Variants in TUBGCP5 observed in about 807,000 individuals in gnomAD.
TUBGCP5 encodes gamma-tubulin complex component 5.
A neutral mutation model predicts 134.7 loss-of-function variants in TUBGCP5; 98 were observed. The ratio of observed to expected loss-of-function variants is 0.73; its 90% confidence interval spans 0.62 to 0.86. The LOEUF is 0.86. TUBGCP5 is among the 40% of genes least tolerant of loss of function. The probability of loss-of-function intolerance (pLI) is 0.00; values close to 1 mark genes in which losing one functional copy is unlikely to be tolerated. For synonymous variants in TUBGCP5, 456 were observed against 431.4 expected (o/e 1.06, Z -0.71); for missense variants, 1,150 against 1,244.8 (o/e 0.92, Z 1.15).
At chr15:22,993,550 T>TG (rs2063932154) in intron 23 of TUBGCP5, among the ~76,000 whole-genome samples, 1 of 126,878 alleles carries the variant, frequency 7.9e-6, no homozygotes, top group African/African-American at 3.0e-5. Flanking sequence ...TTTTTTTTTT[T>TG]TTTTTTTAAT....
intron 13 of TUBGCP5, among the ~76,000 whole-genome samples, chr15:23,012,201 T>A (rs548237716): frequency 4.0e-5 from 6 of 151,286 alleles, no homozygotes. Flanking sequence ...GTAACCCTGA[T>A]AGGAGTCGCA....
At position 23,032,724 on chromosome 15, in the gene TUBGCP5, A is replaced by G. The variant is rs377585489; in HGVS notation, c.406+4T>C. ...CTCATATGTTAAGGAATCTAGTAAC[A>G]TACCCACTTCTTTATTTCTTGGTGT... is the stretch of plus-strand genomic sequence containing the variant. On this transcript the variant is annotated splice_donor_region_variant and intron_variant, in intron 4 of 22. Coordinates refer to ENST00000615383, the MANE Select transcript of TUBGCP5 (RefSeq NM_052903.6). The G allele has an allele frequency of 4.4e-5, 68 of 1,562,494 alleles. No homozygotes were observed. The highest frequency in any genetic ancestry group is 5.5e-5 in the Non-Finnish European group (64 of 1,156,554).
downstream of TUBGCP5, among the ~76,000 whole-genome samples, chr15:22,997,346 A>G (rs2064136284): frequency 6.6e-6 from 1 of 151,206 alleles, no homozygotes; most frequent in Non-Finnish European, 1.5e-5. Context: ...CGCCCGGCTG[A>G]TTTTTGTATT....
intron 13 of TUBGCP5, among the ~76,000 whole-genome samples, chr15:23,011,791 G>A (rs1595852748): frequency 2.7e-5 from 4 of 148,864 alleles, no homozygotes; most frequent in South Asian, 2.1e-4. Flanking sequence ...GATTACAGGC[G>A]TGAGCCACTG....
At chr15:23,027,753 C>A (rs1195352653) in intron 6 of TUBGCP5, among the ~76,000 whole-genome samples, 1 of 149,676 alleles carries the variant, frequency 6.7e-6, no homozygotes, top group Non-Finnish European at 1.5e-5. Flanking sequence ...TCTCAAAAAA[C>A]AAAGTAAAAT....
chr15:23,038,859 C>T (rs2066747958), intron 1 of TUBGCP5, among the ~76,000 whole-genome samples: 1 of 97,960 alleles, frequency 1.0e-5, no homozygotes, highest in Admixed American at 9.7e-5. Flanking sequence ...GTGCTACGTG[C>T]CAGGAGCTGT....
chr15:22,987,659 G>A (rs1418877375), intron 23 of TUBGCP5, among the ~76,000 whole-genome samples: 1 of 151,704 alleles, frequency 6.6e-6, no homozygotes, highest in Non-Finnish European at 1.5e-5. Flanking sequence ...CACTTTGGGA[G>A]GCTGAGGTGG....
intron 5 of TUBGCP5, 127 bp downstream of exon 5, chr15:23,031,823 T>C: frequency 1.8e-6 from 1 of 565,884 alleles, no homozygotes; most frequent in African/African-American, 1.9e-5. Flanking sequence ...CCATAATAAA[T>C]GACTCTAGCT....
rs779005449 is a variant in TUBGCP5, at chr15:23,019,298, G to A, written c.1408C>T (p.Arg470Trp). ...LLFSLWVETVRPYLQTVDEWI... is the reference protein window; with the variant it reads ...LLFSLWVETVWPYLQTVDEWI... The stretch of plus-strand genomic sequence containing the variant: ...TCGTCCACCGTCTGCAGGTAAGGCC[G>A]CACCGTTTCCACCCAGAGAGAGAAA... Residue 470 changes from arginine to tryptophan, a missense_variant, in exon 12 of 23, where the codon CGG (arginine) becomes TGG (tryptophan). Around this residue, in one of 2 missense-constraint regions of TUBGCP5, gnomAD observed 697 missense variants for 850.1 expected, o/e 0.82. Coordinates refer to ENST00000615383, the MANE Select transcript of TUBGCP5 (RefSeq NM_052903.6). 20 of 1,613,824 alleles carry A rather than the reference G, an allele frequency of 1.2e-5. No homozygotes were observed. Among genetic ancestry groups the A allele is most frequent in the Admixed American group, 1.2e-4 (7 of 59,994 alleles).
chr15:23,037,255 A>C, intron 1 of TUBGCP5, 103 bp from the exon 2 acceptor site: 10 of 1,081,924 alleles, frequency 9.2e-6, no homozygotes, highest in Non-Finnish European at 1.4e-5. Flanking sequence ...ACTCAGCTAC[A>C]CATTTCCAGA....
chr15:23,023,761 G>A, intron 10 of TUBGCP5, 186 bp downstream of exon 10: 1 of 523,892 alleles, frequency 1.9e-6, no homozygotes. Flanking sequence ...TAAATCTTCT[G>A]TAGTTTTTTG....
chr15:23,038,153 T>A (rs1484726789), intron 1 of TUBGCP5, among the ~76,000 whole-genome samples: 2 of 152,206 alleles, frequency 1.3e-5, no homozygotes, highest in Non-Finnish European at 2.9e-5. Flanking sequence ...GCAACTAATG[T>A]ATATGTACAT....
chr15:23,032,073 C>A, intron 4 of TUBGCP5, 44 bp from the exon 5 acceptor site: 1 of 1,474,528 alleles, frequency 6.8e-7, no homozygotes, highest in Non-Finnish European at 9.3e-7. Flanking sequence ...TTATATCTAT[C>A]TTTGAAAAAA....
Position 23,026,144 on chromosome 15 carries a change from CA to C in TUBGCP5, c.798del (p.Glu267ArgfsTer15). The part of the protein sequence containing the change: ...LYVPDDRVLV[T>X]ETQVIRETLW... The stretch of plus-strand genomic sequence containing the variant: ...AGGGTTTCCCGAATAACCTGAGTCT[CA>C]GTAACCAAAACCCTGTCATCTGGAA... On this transcript the variant is annotated frameshift_variant, in exon 8 of 23. Transcript: ENST00000615383. LOFTEE classifies it high-confidence loss of function. 6.2e-7 allele frequency: 1 copy of C among 1,610,570 alleles called. No homozygotes were observed. Among genetic ancestry groups the C allele is most frequent in the Non-Finnish European group, 8.5e-7 (1 of 1,179,114 alleles).
intron 19 of TUBGCP5, chr15:23,004,481 C>G (rs2064584087): frequency 2.3e-6 from 1 of 427,158 alleles, no homozygotes; most frequent in Non-Finnish European, 4.1e-6. Flanking sequence ...AAACTCTGGA[C>G]TAACAGACTT....
intron 13 of TUBGCP5, among the ~76,000 whole-genome samples, chr15:23,014,840 C>T (rs2065226852): frequency 6.6e-6 from 1 of 152,140 alleles, no homozygotes; most frequent in Non-Finnish European, 1.5e-5. Context: ...TCATGGAGCC[C>T]CTGGCCAGAA....
At position 23,027,313 on chromosome 15, in the gene TUBGCP5, G is replaced by C. The variant is rs986018760; in HGVS notation, c.623-7C>G. The C allele has an allele frequency of 3.1e-6, 5 of 1,611,260 alleles. No individual in the cohort carries two copies. In the African/African-American group the frequency reaches 6.7e-5, roughly 22 times the overall value. On this transcript the variant is annotated splice_polypyrimidine_tract_variant and splice_region_variant and intron_variant, in intron 6 of 22. Transcript: ENST00000615383. Reference sequence around the variant, plus strand: ...CTTCGGTCATCTGGCTCATCTGCTTGAAAGAAATGTAATCAGTTTGAGTTA... The same window carrying C: ...CTTCGGTCATCTGGCTCATCTGCTTCAAAGAAATGTAATCAGTTTGAGTTA...
intron 23 of TUBGCP5, among the ~76,000 whole-genome samples, chr15:22,992,568 G>C (rs1595786861): frequency 6.6e-6 from 1 of 152,254 alleles, no homozygotes; most frequent in East Asian, 1.9e-4. Flanking sequence ...TTTTGGTACA[G>C]AGAGAGGATG....
In TUBGCP5 at chr15:23,019,330, G is replaced by A. The variant is rs267604131; in HGVS notation, c.1376C>T (p.Ser459Phe). 2.5e-6 allele frequency: 4 copies of A among 1,611,486 alleles called. No individual in the cohort carries two copies. The highest frequency in any genetic ancestry group is 3.4e-6 in the Non-Finnish European group (4 of 1,177,996). ...NVGEASEQTV[S>F]LLFSLWVETV... ...TTCCACCCAGAGAGAGAAAAGGAGG[G>A]AGACCTGAGGCAGAGAGTGTGCACG... is the stretch of plus-strand genomic sequence containing the variant. The change falls in exon 12 of 23, where the codon TCC (serine) becomes TTC (phenylalanine). Residue 459 changes from serine (S) to phenylalanine (F), a missense_variant. Around this residue, in one of 2 missense-constraint regions of TUBGCP5, gnomAD observed 697 missense variants for 850.1 expected, o/e 0.82. Transcript: ENST00000615383.
Sources: gnomAD v4.1 joint callset for allele counts (sites outside exome capture counted in the v4.1 genomes callset) on GRCh38, gnomAD v4.1.1 for gene constraint, gnomAD v4.1.1 regional missense constraint, MANE v1.5 for transcripts, NCBI Gene and HGNC (gene_info 2026-07-23, HGNC 2026-07-21) for gene names.